SGMS1: variants seen among roughly 807,000 people sequenced by gnomAD.
SGMS1 encodes the protein sphingomyelin synthase 1, also known as phosphatidylcholine:ceramide cholinephosphotransferase 1.
In SGMS1, 13 loss-of-function variants were observed where a neutral mutation model predicts 46.2. The observed-to-expected ratio is 0.28, with a 90% CI of 0.18 to 0.45. SGMS1 has a LOEUF of 0.45. SGMS1 is among the 20% of genes least tolerant of loss of function. The pLI is 1.00. For missense variants in SGMS1, 324 were observed against 519.9 expected (o/e 0.62, Z 3.66); for synonymous variants, 203 against 187.8 (o/e 1.08, Z -0.66).
At chr10:50,358,628 G>T (rs989413521) in intron 6 of SGMS1, among the ~76,000 whole-genome samples, 1 of 152,210 alleles carries the variant, frequency 6.6e-6, no homozygotes, top group African/African-American at 2.4e-5. Flanking sequence ...GGCAGAGGCT[G>T]CAGTAAGCCG....
intron 6 of SGMS1, among the ~76,000 whole-genome samples, chr10:50,362,560 G>A (rs890643591): frequency 6.6e-6 from 1 of 152,126 alleles, no homozygotes; most frequent in Admixed American, 6.5e-5. Context: ...AATATAAATA[G>A]CTCCTTAAAG....
At chr10:50,313,790 G>A (rs908117089) in intron 8 of SGMS1, among the ~76,000 whole-genome samples, 9 of 152,116 alleles carry the variant, frequency 5.9e-5, no homozygotes, top group African/African-American at 2.2e-4. Context: ...GAAACAATGT[G>A]TTTGGGCAGA....
Position 50,455,326 on chromosome 10 carries a change from C to T in SGMS1, c.-313+5347G>A, listed in dbSNP as rs117664419. On this transcript the variant is annotated intron_variant, in intron 5 of 10. Coordinates refer to ENST00000361781, the MANE Select transcript of SGMS1 (RefSeq NM_147156.4). Reference sequence around the variant, plus strand: ...GTTTGCAAATTGGTCATAATTTACCCCTTTCCTGATGGAGAAAGCAAGAAT... The same window carrying T: ...GTTTGCAAATTGGTCATAATTTACCTCTTTCCTGATGGAGAAAGCAAGAAT... 7.4e-4 allele frequency among the ~76,000 whole-genome samples: 112 copies of T among 152,290 alleles called. 1 individual carries two copies. The East Asian group carries it at 0.014, about 19-fold the overall frequency.
In SGMS1 at chr10:50,493,246, G is replaced by A. The variant is rs1186550733; in HGVS notation, c.-497-26314C>T. 2.0e-5 allele frequency among the ~76,000 whole-genome samples: 3 copies of A among 152,102 alleles called. No individual in the cohort carries two copies. The East Asian group carries it at 5.8e-4, about 29-fold the overall frequency. ...ATTCCCTATTCAATAAATGGTGCTG[G>A]GATAACTGGCTAGCCATATGCAGAA... On this transcript the variant is annotated intron_variant, in intron 3 of 10. Transcript: ENST00000361781.
rs375193493 is a variant in SGMS1 at position 50,565,502 on chromosome 10, G to A, written c.-589+24651C>T. Reference sequence around the variant, plus strand: ...ACCATTTATGTTACACAAAAGATACGTCTGGAAAGAAGTGGTTAAGGGCAT... The same window carrying A: ...ACCATTTATGTTACACAAAAGATACATCTGGAAAGAAGTGGTTAAGGGCAT... On this transcript the variant is annotated intron_variant, in intron 2 of 10. Transcript: ENST00000361781. Among the ~76,000 whole-genome samples, 6 of 152,270 alleles carry A rather than the reference G, an allele frequency of 3.9e-5. No homozygotes were observed. In the East Asian group the frequency reaches 7.7e-4, roughly 20 times the overall value.
Position 50,561,123 on chromosome 10 carries a change from A to G in SGMS1, c.-589+29030T>C, listed in dbSNP as rs774148303. Among the ~76,000 whole-genome samples the G allele has an allele frequency of 1.4e-4, 22 of 152,328 alleles. 1 individual carries two copies. The highest frequency in any genetic ancestry group is 2.6e-4 in the Non-Finnish European group (18 of 68,024). ...GAAACATAATAAGACTATGAGTTAA[A>G]AGGCCTAGTTTCTAAACCTTGGAGT... is the stretch of plus-strand genomic sequence containing the variant. On this transcript the variant is annotated intron_variant, in intron 2 of 10. Coordinates refer to ENST00000361781, the MANE Select transcript of SGMS1 (RefSeq NM_147156.4).
chr10:50,562,279 T>C (rs1838244077), intron 2 of SGMS1, among the ~76,000 whole-genome samples: 1 of 150,914 alleles, frequency 6.6e-6, no homozygotes, highest in South Asian at 2.1e-4. Flanking sequence ...CTATAGATTA[T>C]GGTTTGGTGT....
chr10:50,429,674 CTT>C (rs1849376102), intron 6 of SGMS1, among the ~76,000 whole-genome samples: 1 of 150,624 alleles, frequency 6.6e-6, no homozygotes, highest in South Asian at 2.1e-4. Context: ...AACCTCTACT[CTT>C]ATAGTTTTTT....
chr10:50,439,781 G>T (rs1435305190), intron 5 of SGMS1, among the ~76,000 whole-genome samples: 1 of 152,124 alleles, frequency 6.6e-6, no homozygotes, highest in Admixed American at 6.5e-5. Flanking sequence ...CTTTTCTTCT[G>T]AATAATTTGC....
At chr10:50,433,442 A>C (rs952724163) in intron 6 of SGMS1, 34 bp downstream of exon 6, 1 of 152,362 alleles carries the variant, frequency 6.6e-6, no homozygotes, top group East Asian at 1.9e-4. Flanking sequence ...CCAGTAGTTA[A>C]AAGAATTCCA....
At chr10:50,384,855 AG>A (rs1398042836) in intron 6 of SGMS1, among the ~76,000 whole-genome samples, 2 of 152,224 alleles carry the variant, frequency 1.3e-5, no homozygotes, top group Non-Finnish European at 2.9e-5. Context: ...AACTTAGATG[AG>A]GATAGTACAA....
intron 6 of SGMS1, among the ~76,000 whole-genome samples, chr10:50,405,461 C>G (rs753399422): frequency 1.3e-4 from 20 of 152,118 alleles, no homozygotes; most frequent in Non-Finnish European, 2.5e-4. Context: ...ATGTTTTAAA[C>G]AAACTGATAA....
chr10:50,521,590 C>T (rs1235774368), intron 2 of SGMS1, among the ~76,000 whole-genome samples: 1 of 152,162 alleles, frequency 6.6e-6, no homozygotes, highest in African/African-American at 2.4e-5. Context: ...TTTCAGCTTC[C>T]TTTCACCTGA....
intron 6 of SGMS1, among the ~76,000 whole-genome samples, chr10:50,424,216 G>A (rs540314926): frequency 1.3e-5 from 2 of 152,266 alleles, no homozygotes; most frequent in East Asian, 1.9e-4. Context: ...TACCTAAAAC[G>A]TGAAGGAACT....
At chr10:50,469,589 T>C (rs565047180) in intron 3 of SGMS1, among the ~76,000 whole-genome samples, 14 of 152,298 alleles carry the variant, frequency 9.2e-5, no homozygotes, top group African/African-American at 3.4e-4. Context: ...CTTAAAAGGC[T>C]GTGGCTCTAA....
chr10:50,463,631 A>G (rs776904516), intron 4 of SGMS1, among the ~76,000 whole-genome samples: 2 of 152,242 alleles, frequency 1.3e-5, no homozygotes, highest in Non-Finnish European at 2.9e-5. Context: ...TCCTGAAAAC[A>G]TTAAGAATAG....
chr10:50,384,105 C>T (rs1848647006), intron 6 of SGMS1, among the ~76,000 whole-genome samples: 1 of 152,100 alleles, frequency 6.6e-6, no homozygotes, highest in South Asian at 2.1e-4. Context: ...TTCTAGCCTC[C>T]AGAACTCTGA....
intron 6 of SGMS1, among the ~76,000 whole-genome samples, chr10:50,356,035 C>T (rs547392435): frequency 8.5e-4 from 129 of 152,256 alleles, no homozygotes; most frequent in Middle Eastern, 3.4e-3. Flanking sequence ...CCCCTCCGCC[C>T]GGCAGCCACC....
intron 1 of SGMS1, among the ~76,000 whole-genome samples, chr10:50,596,175 A>ATTAT (rs1838590256): frequency 1.4e-5 from 2 of 139,720 alleles, no homozygotes; most frequent in African/African-American, 5.3e-5. Context: ...TTGTATCACG[A>ATTAT]TTTTTTTTTT....
Sources: allele counts gnomAD v4.1 joint callset (sites outside exome capture counted in the v4.1 genomes callset), GRCh38; gene constraint gnomAD v4.1.1; transcripts MANE v1.5; gene names NCBI Gene and HGNC (gene_info 2026-07-23, HGNC 2026-07-21).